Variants in SESTD1 observed in about 807,000 individuals in gnomAD.
SESTD1 encodes the protein SEC14 domain and spectrin repeat-containing protein 1.
In SESTD1, 43 loss-of-function variants were observed where a neutral mutation model predicts 101.7. The ratio of observed to expected loss-of-function variants is 0.42; its 90% confidence interval spans 0.33 to 0.55. The LOEUF is 0.55. Among genes scored for constraint, SESTD1 ranks in the 20% least tolerant of loss-of-function variants. The pLI is 0.07. For missense variants in SESTD1, 647 were observed against 815.1 expected (o/e 0.79, Z 2.51); for synonymous variants, 283 against 286.8 (o/e 0.99, Z 0.13).
intron 5 of SESTD1, among the ~76,000 whole-genome samples, chr2:179,152,294 T>G (rs998908980): frequency 6.6e-6 from 1 of 152,152 alleles, no homozygotes; most frequent in Non-Finnish European, 1.5e-5. Flanking sequence ...TGTAACTAGT[T>G]TGAAGTTGAA....
intron 1 of SESTD1, among the ~76,000 whole-genome samples, chr2:179,243,961 T>C (rs181164476): frequency 0.048 from 6,843 of 143,960 alleles, 175 homozygotes; most frequent in African/African-American, 0.053. Context: ...TATATATATA[T>C]ACACACACAC....
chr2:179,223,829 T>A (rs1238617560), intron 1 of SESTD1, among the ~76,000 whole-genome samples: 1 of 152,240 alleles, frequency 6.6e-6, no homozygotes, highest in Non-Finnish European at 1.5e-5. Flanking sequence ...TTACTCTATA[T>A]TGGAACTACA....
At chr2:179,262,793 G>T (rs1373789373) in intron 1 of SESTD1, among the ~76,000 whole-genome samples, 1 of 152,100 alleles carries the variant, frequency 6.6e-6, no homozygotes, top group Admixed American at 6.5e-5. Context: ...TTCATTTTCA[G>T]ATATATCATT....
At chr2:179,152,423 G>T (rs2045548997) in intron 5 of SESTD1, among the ~76,000 whole-genome samples, 1 of 152,114 alleles carries the variant, frequency 6.6e-6, no homozygotes, top group Admixed American at 6.5e-5. Flanking sequence ...ATATGTGCTT[G>T]TTGAATCTCA....
Position 179,147,504 on chromosome 2 carries a change from G to C in SESTD1, c.582-1047C>G, listed in dbSNP as rs1407279816. ...AGCCCCCTGAGTAGCTGGGACTACA[G>C]GTGCGTGCCACCACGCCTGGCTAAT... On this transcript the variant is annotated intron_variant, in intron 7 of 17. Transcript: ENST00000428443. Among the ~76,000 whole-genome samples, 3 of 152,112 alleles carry C rather than the reference G, an allele frequency of 2.0e-5. No homozygotes were observed. The East Asian group carries it at 5.8e-4, about 29-fold the overall frequency.
At chr2:179,248,824 T>C (rs763240419) in intron 1 of SESTD1, among the ~76,000 whole-genome samples, 1 of 151,526 alleles carries the variant, frequency 6.6e-6, no homozygotes, top group Middle Eastern at 3.4e-3. Context: ...CTCAGACTTA[T>C]AATCTCAGCA....
chr2:179,239,196 C>T (rs1313640602), intron 1 of SESTD1, among the ~76,000 whole-genome samples: 1 of 152,160 alleles, frequency 6.6e-6, no homozygotes, highest in South Asian at 2.1e-4. Context: ...AAGCTCTGTA[C>T]TGTTCCTGCA....
intron 13 of SESTD1, among the ~76,000 whole-genome samples, chr2:179,120,365 T>C (rs1205310604): frequency 6.6e-6 from 1 of 152,220 alleles, no homozygotes; most frequent in African/African-American, 2.4e-5. Context: ...ATTGGAATTA[T>C]GGGTCTACAG....
At chr2:179,197,970 A>G (rs2046431719) in intron 1 of SESTD1, among the ~76,000 whole-genome samples, 1 of 152,174 alleles carries the variant, frequency 6.6e-6, no homozygotes, top group African/African-American at 2.4e-5. Flanking sequence ...TATTAACTTT[A>G]AATGTAAATG....
chr2:179,236,056 T>G (rs1290532214), intron 1 of SESTD1, among the ~76,000 whole-genome samples: 1 of 152,096 alleles, frequency 6.6e-6, no homozygotes, highest in Non-Finnish European at 1.5e-5. Flanking sequence ...GTGCTACCAT[T>G]TACCTTCCAC....
At chr2:179,177,278 A>C (rs563493665) in intron 3 of SESTD1, among the ~76,000 whole-genome samples, 23 of 152,334 alleles carry the variant, frequency 1.5e-4, no homozygotes, top group African/African-American at 4.6e-4. Context: ...CCAAAACTAC[A>C]TACCTATCAT....
intron 1 of SESTD1, among the ~76,000 whole-genome samples, chr2:179,257,162 T>C (rs913864060): frequency 6.6e-6 from 1 of 151,664 alleles, no homozygotes; most frequent in Non-Finnish European, 1.5e-5. Flanking sequence ...TCTCATTCTA[T>C]GTCATAGAAT....
At chr2:179,223,584 T>C (rs541243905) in intron 1 of SESTD1, among the ~76,000 whole-genome samples, 1 of 151,710 alleles carries the variant, frequency 6.6e-6, no homozygotes, top group Non-Finnish European at 1.5e-5. Context: ...CTCTAGAAAG[T>C]CTGTAAAATG....
At position 179,114,233 on chromosome 2, in the gene SESTD1, G is replaced by C. The variant is rs942886109; in HGVS notation, c.1839+832C>G. Among the ~76,000 whole-genome samples the C allele has an allele frequency of 2.0e-5, 3 of 152,304 alleles. No homozygotes were observed. The East Asian group carries it at 5.8e-4, about 29-fold the overall frequency. On this transcript the variant is annotated intron_variant, in intron 16 of 17. Coordinates refer to ENST00000428443, the MANE Select transcript of SESTD1 (RefSeq NM_178123.5). Reference sequence around the variant, plus strand: ...CGGAGTTCAATGACCAGCTGAGAATGAGTTAACTATGGACCCTTCCCAACA... The same window carrying C: ...CGGAGTTCAATGACCAGCTGAGAATCAGTTAACTATGGACCCTTCCCAACA...
chr2:179,232,636 TGAATA>T (rs1279834400), intron 1 of SESTD1, among the ~76,000 whole-genome samples: 1 of 151,896 alleles, frequency 6.6e-6, no homozygotes, highest in East Asian at 1.9e-4. Flanking sequence ...GGAAAGTGAT[TGAATA>T]AACAAGCTGT....
At chr2:179,253,681 C>T (rs550728335) in intron 1 of SESTD1, among the ~76,000 whole-genome samples, 1 of 152,104 alleles carries the variant, frequency 6.6e-6, no homozygotes, top group East Asian at 1.9e-4. Flanking sequence ...AAATCATATG[C>T]ATATATATAA....
intron 15 of SESTD1, among the ~76,000 whole-genome samples, 173 bp from the exon 16 acceptor site, chr2:179,115,429 G>A (rs1185155043): frequency 6.6e-6 from 1 of 152,074 alleles, no homozygotes; most frequent in African/African-American, 2.4e-5. Context: ...GTAATAAAGG[G>A]GAAGCTATGT....
chr2:179,160,909 A>C (rs889036326), intron 5 of SESTD1, among the ~76,000 whole-genome samples: 3 of 152,096 alleles, frequency 2.0e-5, no homozygotes, highest in African/African-American at 7.2e-5. Context: ...AAATTAAAGC[A>C]AACTTCATAA....
chr2:179,110,466 A>C (rs2044483016), intron 17 of SESTD1, among the ~76,000 whole-genome samples: 1 of 152,188 alleles, frequency 6.6e-6, no homozygotes. Flanking sequence ...TTAACAGATA[A>C]AATTATTAAT....
Sources: gnomAD v4.1 joint callset for allele counts (sites outside exome capture counted in the v4.1 genomes callset) on GRCh38, gnomAD v4.1.1 for gene constraint, MANE v1.5 for transcripts, NCBI Gene and HGNC (gene_info 2026-07-23, HGNC 2026-07-21) for gene names.